Variants in GAB2 observed in about 807,000 individuals in gnomAD.
GAB2 encodes GRB2-associated-binding protein 2.
Under a neutral mutation model 65.5 loss-of-function variants are expected in GAB2, and 26 were observed. The observed-to-expected ratio is 0.40, with a 90% CI of 0.29 to 0.55. GAB2 has a LOEUF of 0.55. Ranked by LOEUF, GAB2 falls within the 20% of genes least tolerant of loss-of-function variation. GAB2 has a pLI of 0.53. For synonymous variants in GAB2, 321 were observed against 329.6 expected (o/e 0.97, Z 0.28); for missense variants, 884 against 875.8 (o/e 1.01, Z -0.12).
At chr11:78,332,396 G>A (rs1412344226) in intron 1 of GAB2, among the ~76,000 whole-genome samples, 2 of 152,100 alleles carry the variant, frequency 1.3e-5, no homozygotes, top group African/African-American at 2.4e-5. Context: ...AGCTTATAGG[G>A]TACCTGGTAT....
At chr11:78,316,178 G>A (rs748333100) in intron 1 of GAB2, among the ~76,000 whole-genome samples, 1 of 152,124 alleles carries the variant, frequency 6.6e-6, no homozygotes, top group Non-Finnish European at 1.5e-5. Flanking sequence ...CTTAAAGGCT[G>A]CACTGTTGTT....
rs1446236349 is a variant in GAB2, at chr11:78,228,999, C to A, written c.621-1948G>T. Among the ~76,000 whole-genome samples the A allele has an allele frequency of 2.0e-5, 3 of 152,048 alleles. No individual in the cohort carries two copies. The East Asian group carries it at 5.8e-4, about 29-fold the overall frequency. ...TGTCCTAATTTCCATCTGGGCCAGG[C>A]AAAAGGGATACAGAGATGCCACCTG... On this transcript the variant is annotated intron_variant, in intron 3 of 9. Transcript: ENST00000361507.
chr11:78,383,347 C>T (rs982250561), intron 1 of GAB2, among the ~76,000 whole-genome samples: 2 of 151,990 alleles, frequency 1.3e-5, no homozygotes, highest in African/African-American at 4.8e-5. Flanking sequence ...GAGAATACTA[C>T]CATTTCCATG....
intron 3 of GAB2, among the ~76,000 whole-genome samples, chr11:78,243,422 C>T (rs957791186): frequency 5.3e-5 from 8 of 152,030 alleles, no homozygotes; most frequent in South Asian, 2.1e-4. Context: ...GAGCCAAAAT[C>T]GCGCAGCTGC....
At chr11:78,241,760 G>T (rs1865140651) in intron 3 of GAB2, among the ~76,000 whole-genome samples, 1 of 152,152 alleles carries the variant, frequency 6.6e-6, no homozygotes. Context: ...CAGCCAGAAG[G>T]AAAGGGGGAA....
At chr11:78,384,751 G>A (rs1856744400) in intron 1 of GAB2, among the ~76,000 whole-genome samples, 1 of 152,132 alleles carries the variant, frequency 6.6e-6, no homozygotes, top group South Asian at 2.1e-4. Flanking sequence ...CACATACAGG[G>A]TACTACAAGA....
At chr11:78,241,828 C>T (rs1323264328) in intron 3 of GAB2, among the ~76,000 whole-genome samples, 1 of 152,182 alleles carries the variant, frequency 6.6e-6, no homozygotes, top group Non-Finnish European at 1.5e-5. Flanking sequence ...TTAAGATCTA[C>T]AGGGAGAGAC....
chr11:78,254,813 G>GAA (rs1374651236), intron 2 of GAB2, among the ~76,000 whole-genome samples: 1 of 147,640 alleles, frequency 6.8e-6, no homozygotes, highest in African/African-American at 2.5e-5. Context: ...AAAGAAAAAA[G>GAA]AAAAAAGAAA....
intron 1 of GAB2, among the ~76,000 whole-genome samples, chr11:78,364,547 T>C (rs1228623002): frequency 6.6e-6 from 1 of 152,220 alleles, no homozygotes; most frequent in East Asian, 1.9e-4. Flanking sequence ...TACCATTGAT[T>C]TCATCACCTA....
chr11:78,401,911 A>G (rs551863129), intron 1 of GAB2, among the ~76,000 whole-genome samples: 14 of 152,316 alleles, frequency 9.2e-5, no homozygotes, highest in African/African-American at 3.4e-4. Context: ...ACCACAATAG[A>G]AACCTACTAA....
chr11:78,220,909 A>G (rs1361653948), intron 8 of GAB2, among the ~76,000 whole-genome samples: 1 of 152,118 alleles, frequency 6.6e-6, no homozygotes, highest in African/African-American at 2.4e-5. Flanking sequence ...GTCGCACCAA[A>G]TCAGCCCCTG....
intron 1 of GAB2, among the ~76,000 whole-genome samples, chr11:78,356,181 A>G (rs1274711684): frequency 7.2e-6 from 1 of 138,030 alleles, no homozygotes. Flanking sequence ...TCAAAAAAAA[A>G]GAAAAAAAAA....
chr11:78,394,511 A>G (rs1202073971), intron 1 of GAB2, among the ~76,000 whole-genome samples: 2 of 152,012 alleles, frequency 1.3e-5, no homozygotes, highest in Non-Finnish European at 2.9e-5. Flanking sequence ...GACTAGGGGT[A>G]CCAAAAAAGA....
intron 1 of GAB2, among the ~76,000 whole-genome samples, chr11:78,397,813 A>G (rs1387769909): frequency 6.6e-6 from 1 of 152,090 alleles, no homozygotes; most frequent in Non-Finnish European, 1.5e-5. Flanking sequence ...CACTGTAGAT[A>G]CTTACTATCT....
intron 1 of GAB2, among the ~76,000 whole-genome samples, chr11:78,306,071 C>T (rs1287068984): frequency 6.6e-6 from 1 of 152,182 alleles, no homozygotes; most frequent in African/African-American, 2.4e-5. Context: ...TACCCATTTA[C>T]CAAGCCTGCC....
rs547390527 is a variant in GAB2 at position 78,355,633 on chromosome 11, C to A, written c.75+62013G>T. Among the ~76,000 whole-genome samples, 7 of 140,632 alleles carry A rather than the reference C, an allele frequency of 5.0e-5. No individual in the cohort carries two copies. In the South Asian group the frequency reaches 7.1e-4, roughly 14 times the overall value. 92.3% of individuals were successfully genotyped at this position (140,632 alleles called of 152,430 possible). On this transcript the variant is annotated intron_variant, in intron 1 of 9. Transcript: ENST00000361507. Reference sequence around the variant, plus strand: ...CCGAGGCTATAGTGAGCTATGATTGCGCCACCGCTCTTCAGCCTGGGAAAC... The same window carrying A: ...CCGAGGCTATAGTGAGCTATGATTGAGCCACCGCTCTTCAGCCTGGGAAAC...
chr11:78,353,586 GT>G (rs1167093153), intron 1 of GAB2, among the ~76,000 whole-genome samples: 4 of 152,316 alleles, frequency 2.6e-5, no homozygotes, highest in Admixed American at 2.6e-4. Flanking sequence ...TAATAGAAAT[GT>G]TTACATCTGT....
At chr11:78,362,580 G>A (rs1856448262) in intron 1 of GAB2, among the ~76,000 whole-genome samples, 1 of 152,024 alleles carries the variant, frequency 6.6e-6, no homozygotes, top group Admixed American at 6.6e-5. Flanking sequence ...CACAATAAAT[G>A]TAAATCAATT....
At chr11:78,396,817 C>G (rs956988643) in intron 1 of GAB2, among the ~76,000 whole-genome samples, 24 of 152,122 alleles carry the variant, frequency 1.6e-4, no homozygotes, top group African/African-American at 5.8e-4. Flanking sequence ...GGCTGCTCTC[C>G]AACTCCTGAC....
Sources: allele counts gnomAD v4.1 joint callset (sites outside exome capture counted in the v4.1 genomes callset), GRCh38; gene constraint gnomAD v4.1.1; transcripts MANE v1.5; gene names NCBI Gene and HGNC (gene_info 2026-07-23, HGNC 2026-07-21).